Variants in ESS2 observed in about 807,000 individuals in gnomAD.
ESS2 encodes the protein ess-2 spliceosome associated protein, also known as splicing factor ESS-2 homolog.
A neutral mutation model predicts 52.0 loss-of-function variants in ESS2; 31 were observed. That is an observed-to-expected ratio of 0.60 (90% CI 0.45 to 0.81). The LOEUF (loss-of-function observed/expected upper bound fraction) is 0.81, where lower values mean the gene tolerates loss of function less well. Among genes scored for constraint, ESS2 ranks in the 30% least tolerant of loss-of-function variants. The pLI is 0.00. For synonymous variants in ESS2, 285 were observed against 259.2 expected (o/e 1.10, Z -0.95); for missense variants, 602 against 637.2 (o/e 0.94, Z 0.59).
intron 1 of ESS2, chr22:19,144,206 T>C (rs1349725397): frequency 3.5e-6 from 4 of 1,158,798 alleles, no homozygotes; most frequent in Admixed American, 4.6e-5. Flanking sequence ...AAAGCCCTCT[T>C]TGCCACCATC....
chr22:19,143,526 C>G (rs963327193), intron 1 of ESS2, among the ~76,000 whole-genome samples: 4 of 152,218 alleles, frequency 2.6e-5, no homozygotes, highest in African/African-American at 9.6e-5. Flanking sequence ...GGTGTTGTCA[C>G]TTTCATTCCA....
Position 19,139,064 on chromosome 22 carries a change from C to T in ESS2, c.822+95G>A. 5.4e-6 allele frequency: 8 copies of T among 1,472,256 alleles called. No homozygotes were observed. The South Asian group carries it at 1.1e-4, about 20-fold the overall frequency. 91.2% of individuals were successfully genotyped at this position (1,472,256 alleles called of 1,614,324 possible). A position where few individuals can be genotyped will look rare whatever the true frequency, so the allele number is the denominator to read the frequency against. Reference sequence around the variant, plus strand: ...GCCCCAGATGGTTCCACTCACTGAGCTCTGCCAAGCTCAAAGAGATGGGAG... The same window carrying T: ...GCCCCAGATGGTTCCACTCACTGAGTTCTGCCAAGCTCAAAGAGATGGGAG... On this transcript the variant is annotated intron_variant, in intron 6 of 9. Transcript: ENST00000252137.
At chr22:19,139,804 C>T (rs2146101657) in intron 4 of ESS2, 51 bp downstream of exon 4, 1 of 1,613,928 alleles carries the variant, frequency 6.2e-7, no homozygotes, top group Non-Finnish European at 8.5e-7. Flanking sequence ...GGCTCCCCAA[C>T]CACCACAGAG....
chr22:19,135,672 T>C (rs374656364), intron 8 of ESS2, among the ~76,000 whole-genome samples: 1 of 152,248 alleles, frequency 6.6e-6, no homozygotes, highest in South Asian at 2.1e-4. Context: ...CTGCTGTATT[T>C]GTTATTTTCA....
In ESS2 at chr22:19,132,081, CAGA is replaced by C. The variant is rs746639993; in HGVS notation, c.*2112_*2114del. On this transcript the variant is annotated 3_prime_UTR_variant, in exon 10 of 10. Coordinates refer to ENST00000252137, the MANE Select transcript of ESS2 (RefSeq NM_022719.3). This position sits in a 1 kb window ranked among gnomAD's most constrained non-coding sequence, Gnocchi z 4.2. ...CGACATCAGGAAGATGCTGCGTATC[CAGA>C]AGGAGCACCGTGTGGACTTCCCGCG... The C allele has an allele frequency of 1.4e-4, 231 of 1,613,672 alleles. No homozygotes were observed. Among genetic ancestry groups the C allele is most frequent in the Admixed American group, 3.3e-4 (20 of 59,988 alleles).
In ESS2 at chr22:19,144,642, G is replaced by T. The variant is rs5992371; in HGVS notation, c.-2C>A. 26 of 1,506,724 alleles carry T rather than the reference G, an allele frequency of 1.7e-5. No individual in the cohort carries two copies. In the African/African-American group the frequency reaches 3.2e-4, roughly 19 times the overall value. The allele number at this position is 1,506,724 out of a possible 1,614,324, so 93.3% of individuals were successfully genotyped here. A position where few individuals can be genotyped will look rare whatever the true frequency, so the allele number is the denominator to read the frequency against. On this transcript the variant is annotated 5_prime_UTR_variant, in exon 1 of 10. Transcript: ENST00000252137. ...CGCTGATGCGCCCGGCGTCTCCATCGCTATCCCAGGAAAAAGCTCGGGCCC... is the reference window on the plus strand; with the variant it reads ...CGCTGATGCGCCCGGCGTCTCCATCTCTATCCCAGGAAAAAGCTCGGGCCC...
At chr22:19,137,257 C>T in intron 8 of ESS2, 66 bp downstream of exon 8, 1 of 1,218,372 alleles carries the variant, frequency 8.2e-7, no homozygotes, top group Non-Finnish European at 1.2e-6. Flanking sequence ...TCCTGAGCCA[C>T]AGGCACTCAG....
intron 8 of ESS2, among the ~76,000 whole-genome samples, 173 bp from the exon 9 acceptor site, chr22:19,135,348 T>G (rs2146091292): frequency 6.6e-6 from 1 of 152,326 alleles, no homozygotes; most frequent in East Asian, 1.9e-4. Context: ...CCACCTGACC[T>G]GCCCAAGGCG....
intron 3 of ESS2, among the ~76,000 whole-genome samples, chr22:19,140,606 G>A (rs2083669651): frequency 1.3e-5 from 2 of 151,988 alleles, no homozygotes; most frequent in Non-Finnish European, 1.5e-5. Context: ...CCCCCCCTCC[G>A]ACCAACCCTG....
chr22:19,135,380 G>T (rs772862931), intron 8 of ESS2, among the ~76,000 whole-genome samples: 16 of 152,194 alleles, frequency 1.1e-4, no homozygotes, highest in African/African-American at 3.9e-4. Flanking sequence ...ACCTGTCTTC[G>T]TGTTCCTCCC....
Position 19,131,591 on chromosome 22 carries a change from G to A in ESS2, c.*2605C>T. On this transcript the variant is annotated 3_prime_UTR_variant, in exon 10 of 10. Coordinates refer to ENST00000252137, the MANE Select transcript of ESS2 (RefSeq NM_022719.3). This position sits in a 1 kb window ranked among gnomAD's most constrained non-coding sequence, Gnocchi z 5.7. Reference sequence around the variant, plus strand: ...TCCTTCCTCGGGAGATGGACATCCTGGCAACTGTCAACCACGGCTCCATCA... The same window carrying A: ...TCCTTCCTCGGGAGATGGACATCCTAGCAACTGTCAACCACGGCTCCATCA... The A allele has an allele frequency of 6.2e-7, 1 of 1,614,108 alleles. No homozygotes were observed. Among genetic ancestry groups the A allele is most frequent in the Non-Finnish European group, 8.5e-7 (1 of 1,180,026 alleles).
At chr22:19,142,932 C>T (rs181405022) in intron 1 of ESS2, 38 bp from the exon 2 acceptor site, 26,871 of 1,586,416 alleles carry the variant, frequency 0.017, 303 homozygotes, top group Non-Finnish European at 0.02. Context: ...AGAGGCCAGG[C>T]GCGGTGGCTC....
chr22:19,132,389 GA>G lies in ESS2; in HGVS notation c.*1806del. The G allele has an allele frequency of 6.2e-7, 1 of 1,613,196 alleles. No individual in the cohort carries two copies. The highest frequency in any genetic ancestry group is 1.1e-5 in the South Asian group (1 of 91,074). On this transcript the variant is annotated 3_prime_UTR_variant, in exon 10 of 10. Coordinates refer to ENST00000252137, the MANE Select transcript of ESS2 (RefSeq NM_022719.3). This position sits in a 1 kb window ranked among gnomAD's most constrained non-coding sequence, Gnocchi z 4.2. Reference sequence around the variant, plus strand: ...GGCTGCTGGTGGTGCCCGAGAACGAGAACAGGATGGAGGACAGGCTGGCCGA... The same window carrying G: ...GGCTGCTGGTGGTGCCCGAGAACGAGACAGGATGGAGGACAGGCTGGCCGA...
Position 19,130,426 on chromosome 22 carries a change from T to C in ESS2, c.*3770A>G. The stretch of plus-strand genomic sequence containing the variant: ...ACATGCAGTACAGCAATCACCTAAG[T>C]CTACTGGTAACTAATTTTGTTCCAA... On this transcript the variant is annotated 3_prime_UTR_variant, in exon 10 of 10. Transcript: ENST00000252137. 1 of 235,654 alleles carries C rather than the reference T, an allele frequency of 4.2e-6. No individual in the cohort carries two copies. The highest frequency in any genetic ancestry group is 8.3e-6 in the Non-Finnish European group (1 of 120,148). 14.6% of individuals were successfully genotyped at this position (235,654 alleles called of 1,614,324 possible). A position where few individuals can be genotyped will look rare whatever the true frequency, so the allele number is the denominator to read the frequency against.
At position 19,132,138 on chromosome 22, in the gene ESS2, G is replaced by T; in HGVS notation, c.*2058C>A. 6.2e-7 allele frequency: 1 copy of T among 1,613,158 alleles called. No individual in the cohort carries two copies. Among genetic ancestry groups the T allele is most frequent in the Non-Finnish European group, 8.5e-7 (1 of 1,179,232 alleles). On this transcript the variant is annotated 3_prime_UTR_variant, in exon 10 of 10. Coordinates refer to ENST00000252137, the MANE Select transcript of ESS2 (RefSeq NM_022719.3). This position sits in a 1 kb window ranked among gnomAD's most constrained non-coding sequence, Gnocchi z 4.2. ...CAAGAACCTGACCTGCGAGTGCAAG[G>T]ACCTCATCTACCGCATGCTGCAGCC...
rs2083498687 is a variant in ESS2 at position 19,130,746 on chromosome 22, G to A, written c.*3450C>T. 1 of 203,716 alleles carries A rather than the reference G, an allele frequency of 4.9e-6. No homozygotes were observed. The highest frequency in any genetic ancestry group is 2.4e-5 in the African/African-American group (1 of 42,308). The allele number at this position is 203,716 out of a possible 1,614,324, so 12.6% of individuals were successfully genotyped here. On this transcript the variant is annotated 3_prime_UTR_variant, in exon 10 of 10. Coordinates refer to ENST00000252137, the MANE Select transcript of ESS2 (RefSeq NM_022719.3). ...GAGAAGCCCATGCAAGGCTCCTGCT[G>A]ACCATGTTTCATTTCTAGCTTTGAT...
chr22:19,138,836 C>T (rs978190292), intron 6 of ESS2, among the ~76,000 whole-genome samples: 1 of 152,202 alleles, frequency 6.6e-6, no homozygotes, highest in Non-Finnish European at 1.5e-5. Context: ...GCTGGGCTCC[C>T]TCTGCGGCTC....
rs370053001 is a variant in ESS2 at position 19,139,711 on chromosome 22, C to T, written c.589G>A (p.Glu197Lys). The T allele has an allele frequency of 2.9e-5, 47 of 1,614,016 alleles. No homozygotes were observed. The highest frequency in any genetic ancestry group is 3.3e-4 in the Middle Eastern group (2 of 6,084). The change falls in exon 5 of 10, where the codon GAA (glutamate) becomes AAA (lysine). Residue 197 changes from glutamate (E) to lysine (K), a missense_variant. Physicochemically the swap from Glu to Lys is moderately conservative, Grantham distance 56. Coordinates refer to ENST00000252137, the MANE Select transcript of ESS2 (RefSeq NM_022719.3). ...GCCTGGTGCTCTGCTGACGGGAGTT[C>T]GAGATTATCTTTCTGCCTCTGCAAT... The part of the protein sequence containing the change: ...EFEKRQKDNL[E>K]LPSAEHQAIE...
chr22:19,131,305 G>A lies in ESS2; in HGVS notation c.*2891C>T. On this transcript the variant is annotated 3_prime_UTR_variant, in exon 10 of 10. Coordinates refer to ENST00000252137, the MANE Select transcript of ESS2 (RefSeq NM_022719.3). The surrounding 1 kb of genome is among the most constrained non-coding windows in gnomAD (Gnocchi z 5.7). ...TCGAAGCCCAGCCCAGGGCAGCCCA[G>A]CCAGACGCCTCCGGTAGTGTAAATG... The A allele has an allele frequency of 8.6e-7, 1 of 1,166,044 alleles. No homozygotes were observed. The highest frequency in any genetic ancestry group is 1.5e-5 in the African/African-American group (1 of 64,788). The allele number at this position is 1,166,044 out of a possible 1,614,324, so 72.2% of individuals were successfully genotyped here. A position where few individuals can be genotyped will look rare whatever the true frequency, so the allele number is the denominator to read the frequency against.
Sources: gnomAD v4.1 joint callset for allele counts (sites outside exome capture counted in the v4.1 genomes callset) on GRCh38, gnomAD v4.1.1 for gene constraint, Gnocchi (gnomAD v3.1) non-coding constraint, MANE v1.5 for transcripts, NCBI Gene and HGNC (gene_info 2026-07-23, HGNC 2026-07-21) for gene names.